UBE2E2: variants seen among roughly 807,000 people sequenced by gnomAD.
UBE2E2 encodes the protein ubiquitin conjugating enzyme E2 E2, also known as ubiquitin-conjugating enzyme E2 E2.
UBE2E2 carries 6 observed loss-of-function variants against 24.7 expected under a neutral mutation model. The ratio of observed to expected loss-of-function variants is 0.24; its 90% CI spans 0.13 to 0.48. The LOEUF is 0.48. Ranked by LOEUF, UBE2E2 falls within the 20% of genes least tolerant of loss-of-function variation. The pLI, the probability that UBE2E2 is intolerant of heterozygous loss-of-function variation, is 0.99. For missense variants in UBE2E2, 169 were observed against 245.0 expected (o/e 0.69, Z 2.07); for synonymous variants, 104 against 83.6 (o/e 1.24, Z -1.33).
At chr3:23,567,133 C>G (rs1282155801) in intron 5 of UBE2E2, among the ~76,000 whole-genome samples, 1 of 152,178 alleles carries the variant, frequency 6.6e-6, no homozygotes, top group African/African-American at 2.4e-5. Context: ...TAAAACAAGC[C>G]ATTCCCCCTT....
intron 3 of UBE2E2, among the ~76,000 whole-genome samples, chr3:23,444,482 A>G (rs1202789455): frequency 6.6e-6 from 1 of 152,200 alleles, no homozygotes; most frequent in African/African-American, 2.4e-5. Context: ...CAGAACCTCT[A>G]CCTTAGTAGA....
intron 3 of UBE2E2, among the ~76,000 whole-genome samples, chr3:23,472,802 A>C (rs934907204): frequency 4.0e-5 from 6 of 151,616 alleles, no homozygotes; most frequent in African/African-American, 1.2e-4. Flanking sequence ...ACATGCTACC[A>C]AGCCCAGCTA....
intron 3 of UBE2E2, among the ~76,000 whole-genome samples, chr3:23,389,382 C>T (rs1696883328): frequency 6.6e-6 from 1 of 152,122 alleles, no homozygotes; most frequent in African/African-American, 2.4e-5. Flanking sequence ...AGCTCTAGGG[C>T]TTTATTACGA....
At chr3:23,237,957 C>T (rs996206632) in intron 3 of UBE2E2, among the ~76,000 whole-genome samples, 3 of 151,758 alleles carry the variant, frequency 2.0e-5, no homozygotes, top group Non-Finnish European at 4.4e-5. Flanking sequence ...TAGTGTTTTC[C>T]GCTTTAGTTT....
chr3:23,393,788 A>G (rs776753454), intron 3 of UBE2E2, among the ~76,000 whole-genome samples: 6 of 152,206 alleles, frequency 3.9e-5, no homozygotes, highest in Non-Finnish European at 8.8e-5. Flanking sequence ...GGTTAAAAAA[A>G]TCAAATGACT....
intron 3 of UBE2E2, among the ~76,000 whole-genome samples, chr3:23,332,863 A>C (rs928007811): frequency 6.6e-6 from 1 of 152,238 alleles, no homozygotes; most frequent in Admixed American, 6.5e-5. Context: ...ATAATTTAAA[A>C]GAAACCCAGC....
intron 3 of UBE2E2, among the ~76,000 whole-genome samples, chr3:23,221,778 A>G (rs1271440691): frequency 6.6e-6 from 1 of 152,192 alleles, no homozygotes; most frequent in African/African-American, 2.4e-5. Flanking sequence ...CTGGAATTAC[A>G]GGCGTGCGCC....
At chr3:23,554,598 G>GTA (rs1695729696) in intron 5 of UBE2E2, among the ~76,000 whole-genome samples, 1 of 152,110 alleles carries the variant, frequency 6.6e-6, no homozygotes, top group African/African-American at 2.4e-5. Context: ...AGACCTGAAT[G>GTA]TAACACCTGA....
chr3:23,389,414 G>T (rs1156434445), intron 3 of UBE2E2, among the ~76,000 whole-genome samples: 2 of 152,198 alleles, frequency 1.3e-5, no homozygotes, highest in African/African-American at 4.8e-5. Flanking sequence ...TGCTAGAGAG[G>T]CCCCTCCAAA....
At chr3:23,550,805 G>A (rs1343435471) in intron 5 of UBE2E2, among the ~76,000 whole-genome samples, 1 of 152,182 alleles carries the variant, frequency 6.6e-6, no homozygotes, top group Non-Finnish European at 1.5e-5. Context: ...TCACTGAGTT[G>A]AGGAGACAGA....
At chr3:23,571,280 CTTTTTTTTTTTTTTTT>C (rs59243406) in intron 5 of UBE2E2, among the ~76,000 whole-genome samples, 1 of 29,866 alleles carries the variant, frequency 3.3e-5, no homozygotes, top group Non-Finnish European at 6.6e-5. Flanking sequence ...GTGCTCCTTT[CTTTTTTTTTTTTTTTT>C]TTTTTTTTTT....
intron 3 of UBE2E2, among the ~76,000 whole-genome samples, chr3:23,244,736 A>G (rs964952221): frequency 2.8e-4 from 43 of 152,264 alleles, no homozygotes; most frequent in African/African-American, 8.7e-4. Flanking sequence ...TTGCATTTTT[A>G]TAAGAAAATA....
At chr3:23,428,518 A>C (rs968432383) in intron 3 of UBE2E2, among the ~76,000 whole-genome samples, 6 of 152,162 alleles carry the variant, frequency 3.9e-5, no homozygotes, top group Non-Finnish European at 2.9e-5. Flanking sequence ...AATTCAAAGT[A>C]AGCAGAAGTA....
chr3:23,549,445 AT>A (rs1418325636), intron 5 of UBE2E2, among the ~76,000 whole-genome samples: 9 of 152,186 alleles, frequency 5.9e-5, no homozygotes, highest in Admixed American at 5.9e-4. Context: ...GTTAAAGAAA[AT>A]TAAGTCAAAG....
intron 4 of UBE2E2, among the ~76,000 whole-genome samples, chr3:23,511,223 A>G (rs11718111): frequency 0.22 from 33,753 of 152,128 alleles, 3,813 homozygotes; most frequent in African/African-American, 0.27. Flanking sequence ...TACCCACTAA[A>G]TGCCAATAGC....
intron 3 of UBE2E2, among the ~76,000 whole-genome samples, chr3:23,246,201 GTATGCCACCATGCGTGGC>G (rs1003718511): frequency 6.9e-6 from 1 of 143,990 alleles, no homozygotes; most frequent in African/African-American, 2.6e-5. Context: ...GACTACAGGT[GTATGCCACCATGCGTGGC>G]TAATTTTTTT....
At chr3:23,447,708 G>T (rs1477706381) in intron 3 of UBE2E2, among the ~76,000 whole-genome samples, 1 of 152,100 alleles carries the variant, frequency 6.6e-6, no homozygotes, top group Non-Finnish European at 1.5e-5. Context: ...TAGCAAACAT[G>T]ACTGTTACAC....
At chr3:23,450,807 C>T (rs1257819213) in intron 3 of UBE2E2, among the ~76,000 whole-genome samples, 2 of 151,988 alleles carry the variant, frequency 1.3e-5, no homozygotes, top group African/African-American at 4.8e-5. Context: ...TATAAAACAC[C>T]TTACATTAGT....
At chr3:23,439,107 T>C (rs935376813) in intron 3 of UBE2E2, among the ~76,000 whole-genome samples, 6 of 152,226 alleles carry the variant, frequency 3.9e-5, no homozygotes, top group Admixed American at 6.5e-5. Context: ...ATAATACTTA[T>C]AAATAAGTTG....
Sources: allele counts gnomAD v4.1 joint callset (sites outside exome capture counted in the v4.1 genomes callset), GRCh38; gene constraint gnomAD v4.1.1; transcripts MANE v1.5; gene names NCBI Gene and HGNC (gene_info 2026-07-23, HGNC 2026-07-21).